CCDC178: variants seen among roughly 807,000 people sequenced by gnomAD.
CCDC178 encodes coiled-coil domain-containing protein 178.
A neutral mutation model predicts 117.4 loss-of-function variants in CCDC178; 126 were observed. The ratio of observed to expected loss-of-function variants is 1.07; its 90% CI spans 0.93 to 1.24. The LOEUF (loss-of-function observed/expected upper bound fraction) is 1.24, where lower values mean the gene tolerates loss of function less well. Ranked by LOEUF, CCDC178 falls within the 50% of genes most tolerant of loss-of-function variation. The pLI is 0.00. For missense variants in CCDC178, 1,030 were observed against 986.9 expected (o/e 1.04, Z -0.59); for synonymous variants, 283 against 313.4 (o/e 0.90, Z 1.02).
chr18:33,419,661 G>A (rs956578693), intron 2 of CCDC178, among the ~76,000 whole-genome samples: 10 of 152,100 alleles, frequency 6.6e-5, no homozygotes, highest in Admixed American at 3.3e-4. Flanking sequence ...AGAAATACAC[G>A]TGGCCAACAG....
Position 33,037,987 on chromosome 18 carries a change from T to C in CCDC178, c.2388+54774A>G, listed in dbSNP as rs556050707. ...AATTTGAATTTCTCTTAATTCTCTG[T>C]TACTTGGGGAGCCACTGTGGCACTT... On this transcript the variant is annotated intron_variant, in intron 21 of 22. Transcript: ENST00000383096. 3.3e-5 allele frequency among the ~76,000 whole-genome samples: 5 copies of C among 152,068 alleles called. No homozygotes were observed. In the South Asian group the frequency reaches 1.0e-3, roughly 32 times the overall value.
chr18:33,331,025 G>GTTTTTTTTT (rs1315738648), intron 10 of CCDC178, among the ~76,000 whole-genome samples: 2 of 55,160 alleles, frequency 3.6e-5, no homozygotes, highest in Non-Finnish European at 5.9e-5. Context: ...CACAAACATT[G>GTTTTTTTTT]CTTTTTTTTT....
chr18:33,385,539 G>C lies in CCDC178; in HGVS notation c.208+4001C>G, dbSNP rs182410141. On this transcript the variant is annotated intron_variant, in intron 5 of 22. Coordinates refer to ENST00000383096, the MANE Select transcript of CCDC178 (RefSeq NM_001105528.4). Reference sequence around the variant, plus strand: ...CTCAGACCACAGTACAATCAAATTAGAACTCAAGATTAAAAAGCCCACTCA... The same window carrying C: ...CTCAGACCACAGTACAATCAAATTACAACTCAAGATTAAAAAGCCCACTCA... 3.2e-3 allele frequency among the ~76,000 whole-genome samples: 494 copies of C among 152,174 alleles called. 4 individuals carry two copies. The highest frequency in any genetic ancestry group is 6.0e-3 in the South Asian group (29 of 4,812).
intron 20 of CCDC178, among the ~76,000 whole-genome samples, chr18:33,195,073 C>A (rs1423702662): frequency 1.4e-5 from 2 of 145,860 alleles, no homozygotes; most frequent in African/African-American, 5.2e-5. Context: ...GCTATGATAG[C>A]ACCACTGTAC....
intron 21 of CCDC178, among the ~76,000 whole-genome samples, chr18:33,030,938 A>C (rs1396732192): frequency 6.6e-6 from 1 of 152,132 alleles, no homozygotes; most frequent in Non-Finnish European, 1.5e-5. Context: ...TGAAGGCCTC[A>C]GAACTAGGGA....
intron 20 of CCDC178, among the ~76,000 whole-genome samples, chr18:33,135,761 G>T (rs531879225): frequency 6.6e-6 from 1 of 152,130 alleles, no homozygotes; most frequent in East Asian, 1.9e-4. Context: ...TTTTTGGGTA[G>T]CCCACCTAGC....
intron 12 of CCDC178, among the ~76,000 whole-genome samples, chr18:33,275,213 G>GA (rs994849343): frequency 6.6e-6 from 1 of 151,776 alleles, no homozygotes; most frequent in African/African-American, 2.4e-5. Context: ...ACCATTCTGG[G>GA]AAAAATGAGA....
At chr18:33,078,694 G>GA (rs2145024567) in intron 21 of CCDC178, among the ~76,000 whole-genome samples, 1 of 151,936 alleles carries the variant, frequency 6.6e-6, no homozygotes, top group South Asian at 2.1e-4. Context: ...GCCACAAAAG[G>GA]AAAAAAATGC....
intron 5 of CCDC178, among the ~76,000 whole-genome samples, chr18:33,380,893 C>A (rs1599247236): frequency 6.6e-6 from 1 of 152,302 alleles, no homozygotes. Context: ...GCCAACAAGC[C>A]AGAGATAGTC....
In CCDC178 at chr18:33,098,172, A is replaced by G. The variant is rs754348069; in HGVS notation, c.2239-5262T>C. ...TACAAGAAAAAAACTTGATTCAAAC[A>G]TTCTAGAAAGGTGGTTATGATTAAA... On this transcript the variant is annotated intron_variant, in intron 20 of 22. Transcript: ENST00000383096. Among the ~76,000 whole-genome samples, 50 of 152,120 alleles carry G rather than the reference A, an allele frequency of 3.3e-4. 1 individual carries two copies. Among genetic ancestry groups the G allele is most frequent in the Non-Finnish European group, 1.8e-4 (12 of 68,000 alleles).
chr18:33,227,777 C>G (rs2059325017), intron 15 of CCDC178, among the ~76,000 whole-genome samples: 1 of 151,754 alleles, frequency 6.6e-6, no homozygotes, highest in African/African-American at 2.4e-5. Flanking sequence ...ATGTTTACCT[C>G]AAGCAAAAGA....
chr18:33,000,907 G>C (rs2055617021), intron 21 of CCDC178, among the ~76,000 whole-genome samples: 3 of 152,132 alleles, frequency 2.0e-5, no homozygotes, highest in Admixed American at 2.0e-4. Flanking sequence ...AGTAAGTATA[G>C]AGACAAACAC....
chr18:33,411,402 T>C (rs1195217029), intron 3 of CCDC178, among the ~76,000 whole-genome samples: 1 of 152,128 alleles, frequency 6.6e-6, no homozygotes, highest in African/African-American at 2.4e-5. Flanking sequence ...TAAAAACCAT[T>C]CTTAATTTGG....
intron 2 of CCDC178, among the ~76,000 whole-genome samples, chr18:33,425,720 G>A (rs1391015524): frequency 1.3e-5 from 2 of 152,104 alleles, no homozygotes; most frequent in African/African-American, 4.8e-5. Flanking sequence ...TCATGGATGG[G>A]GTGAGGATGC....
At chr18:33,178,401 C>T (rs2058689063) in intron 20 of CCDC178, among the ~76,000 whole-genome samples, 1 of 152,058 alleles carries the variant, frequency 6.6e-6, no homozygotes, top group Non-Finnish European at 1.5e-5. Flanking sequence ...TACTTTAAGC[C>T]TGGATTACCG....
At chr18:32,985,345 A>C (rs891075486) in intron 21 of CCDC178, among the ~76,000 whole-genome samples, 5 of 151,994 alleles carry the variant, frequency 3.3e-5, no homozygotes, top group Non-Finnish European at 7.4e-5. Flanking sequence ...CTAAGTGTGG[A>C]AACTAGTCTA....
At chr18:33,336,053 A>G (rs1290513907) in intron 9 of CCDC178, among the ~76,000 whole-genome samples, 9 of 152,138 alleles carry the variant, frequency 5.9e-5, no homozygotes, top group Admixed American at 5.2e-4. Context: ...TCCACTTAAC[A>G]GTTTTTAAGC....
At chr18:33,168,258 G>A (rs1180574495) in intron 20 of CCDC178, among the ~76,000 whole-genome samples, 2 of 152,082 alleles carry the variant, frequency 1.3e-5, no homozygotes, top group African/African-American at 4.8e-5. Flanking sequence ...GTTAATTTTT[G>A]TATATGATGT....
intron 3 of CCDC178, among the ~76,000 whole-genome samples, chr18:33,407,198 T>C (rs2063793433): frequency 6.6e-6 from 1 of 152,174 alleles, no homozygotes; most frequent in African/African-American, 2.4e-5. Flanking sequence ...TACTTGAGAA[T>C]TTCCTATAGC....
Sources: gnomAD v4.1 joint callset for allele counts (sites outside exome capture counted in the v4.1 genomes callset) on GRCh38, gnomAD v4.1.1 for gene constraint, MANE v1.5 for transcripts, NCBI Gene and HGNC (gene_info 2026-07-23, HGNC 2026-07-21) for gene names.